The following SPC25 variants were observed in gnomAD, a reference collection of about 807,000 sequenced individuals.
SPC25 encodes SPC25 component of NDC80 kinetochore complex, also known as kinetochore protein Spc25.
SPC25 carries 22 observed loss-of-function variants against 29.6 expected under a neutral mutation model. That is an observed-to-expected ratio of 0.74 (90% CI 0.53 to 1.06). The LOEUF (loss-of-function observed/expected upper bound fraction) is 1.06. SPC25 is among the 50% of genes least tolerant of loss of function. The pLI is 0.00. For synonymous variants in SPC25, 91 were observed against 90.4 expected (o/e 1.01, Z -0.04); for missense variants, 230 against 255.8 (o/e 0.90, Z 0.69).
chr2:168,863,031 CAG>C (rs1489513418), intron 4 of SPC25, among the ~76,000 whole-genome samples: 2 of 2,924 alleles, frequency 6.8e-4, no homozygotes, highest in African/African-American at 0.01. Context: ...GAATAAAAGA[CAG>C]ACATACTTCC....
At chr2:168,868,681 C>T (rs1345889780), downstream of SPC25, among the ~76,000 whole-genome samples, 1 of 152,098 alleles carries the variant, frequency 6.6e-6, no homozygotes, top group Admixed American at 6.5e-5. Flanking sequence ...CTGAATAGGC[C>T]AATAACAGGC....
downstream of SPC25, among the ~76,000 whole-genome samples, chr2:168,870,436 G>GA (rs1426738855): frequency 5.2e-4 from 78 of 150,748 alleles, no homozygotes; most frequent in African/African-American, 1.8e-3. Flanking sequence ...CAGAATGGGA[G>GA]AAAATTTTTG....
chr2:168,866,859 AAC>A (rs1273591493), downstream of SPC25, among the ~76,000 whole-genome samples: 2 of 152,106 alleles, frequency 1.3e-5, no homozygotes, highest in Non-Finnish European at 1.5e-5. Flanking sequence ...GCAGCCAAAA[AAC>A]ACATGAAAAA....
At chr2:168,877,532 C>CA in intron 3 of SPC25, 148 bp from the exon 4 acceptor site, 1 of 933,480 alleles carries the variant, frequency 1.1e-6, no homozygotes, top group Non-Finnish European at 1.5e-6. Flanking sequence ...TTATAAAAGA[C>CA]AAAAAAGAAA....
intron 3 of SPC25, among the ~76,000 whole-genome samples, chr2:168,888,328 G>A (rs962843231): frequency 1.3e-5 from 2 of 152,108 alleles, no homozygotes; most frequent in Non-Finnish European, 2.9e-5. Context: ...GGCTGAGGCA[G>A]GCAGATCACG....
chr2:168,888,566 C>G (rs562040297), intron 3 of SPC25, among the ~76,000 whole-genome samples: 1 of 151,820 alleles, frequency 6.6e-6, no homozygotes, highest in African/African-American at 2.4e-5. Context: ...AAGTGAGACC[C>G]TGTCTCAAAA....
chr2:168,873,826 T>C, intron 5 of SPC25, 143 bp from the exon 6 acceptor site: 1 of 479,416 alleles, frequency 2.1e-6, no homozygotes, highest in Non-Finnish European at 3.8e-6. Flanking sequence ...ACAAATTCGT[T>C]TTAAAATATA....
At chr2:168,873,520 T>A in intron 6 of SPC25, 65 bp downstream of exon 6, 12 of 1,129,696 alleles carry the variant, frequency 1.1e-5, no homozygotes, top group Non-Finnish European at 1.6e-5. Context: ...TTACTTTATA[T>A]GCTGATTGAA....
intron 4 of SPC25, among the ~76,000 whole-genome samples, chr2:168,876,419 T>C (rs985567455): frequency 5.9e-5 from 9 of 152,052 alleles, no homozygotes; most frequent in African/African-American, 1.7e-4. Flanking sequence ...TCTTACTTTA[T>C]TATGTAGTAG....
At chr2:168,872,812 T>C (rs112075308) in intron 6 of SPC25, among the ~76,000 whole-genome samples, 3,923 of 152,194 alleles carry the variant, frequency 0.026, 109 homozygotes, top group African/African-American at 0.071. Flanking sequence ...AATCAGATTC[T>C]CAAAATATAA....
At chr2:168,888,896 G>A (rs1469445962) in intron 3 of SPC25, among the ~76,000 whole-genome samples, 1 of 142,414 alleles carries the variant, frequency 7.0e-6, no homozygotes, top group Admixed American at 7.1e-5. Flanking sequence ...CAAAGTGTTG[G>A]GATTACAGGC....
At chr2:168,873,501 T>C (rs188825581) in intron 6 of SPC25, 84 bp downstream of exon 6, 1 of 916,468 alleles carries the variant, frequency 1.1e-6, no homozygotes, top group African/African-American at 1.6e-5. Flanking sequence ...GCTATTACTT[T>C]CCTCCATATT....
rs1314705113 is a variant in SPC25 at position 168,889,502 on chromosome 2, C to G, written c.18G>C (p.Leu6=). MVEDE[L]ALFDKSINEF... ...CATTTATGCTTTTATCGAAAAGTGC[C>G]AGTTCGTCCTCTACCATTATGTAGG... Residue 6 remains leucine (L), a synonymous_variant, in exon 2 of 7, where the codon CTG becomes CTC. Transcript: ENST00000282074. 22 of 1,613,536 alleles carry G rather than the reference C, an allele frequency of 1.4e-5. No homozygotes were observed. Among genetic ancestry groups the G allele is most frequent in the Non-Finnish European group, 1.9e-5 (22 of 1,179,888 alleles).
intron 4 of SPC25, among the ~76,000 whole-genome samples, chr2:168,876,593 G>GT (rs1404241298): frequency 2.9e-5 from 2 of 68,900 alleles, no homozygotes; most frequent in South Asian, 7.0e-4. Context: ...TGCTAGTTTA[G>GT]TTTTTTCTTT....
At chr2:168,872,282 T>C (rs1368049238) in intron 6 of SPC25, among the ~76,000 whole-genome samples, 2 of 152,090 alleles carry the variant, frequency 1.3e-5, no homozygotes, top group Non-Finnish European at 2.9e-5. Context: ...AAAAGAACAG[T>C]TTTCAATGCC....
chr2:168,864,821 T>C (rs1382721821), intron 4 of SPC25: 2 of 1,613,450 alleles, frequency 1.2e-6, no homozygotes, highest in South Asian at 1.1e-5. Flanking sequence ...TTTGTCTAAC[T>C]GTATTTTCAC....
At chr2:168,869,444 A>T (rs1270567646), downstream of SPC25, among the ~76,000 whole-genome samples, 1 of 152,222 alleles carries the variant, frequency 6.6e-6, no homozygotes, top group Non-Finnish European at 1.5e-5. Context: ...ACATGATTGT[A>T]TATCTAGAAA....
chr2:168,889,033 A>G (rs1207558036), intron 3 of SPC25, among the ~76,000 whole-genome samples, 193 bp downstream of exon 3: 1 of 26,856 alleles, frequency 3.7e-5, no homozygotes, highest in African/African-American at 1.3e-4. Flanking sequence ...ACATATATAT[A>G]CATATATATA....
At chr2:168,870,387 C>T (rs1462869132), downstream of SPC25, among the ~76,000 whole-genome samples, 1 of 151,292 alleles carries the variant, frequency 6.6e-6, no homozygotes, top group African/African-American at 2.5e-5. Flanking sequence ...AGCTTCTGCA[C>T]AGCAAAAGAA....
Sources: allele counts gnomAD v4.1 joint callset (sites outside exome capture counted in the v4.1 genomes callset), GRCh38; gene constraint gnomAD v4.1.1; transcripts MANE v1.5; gene names NCBI Gene and HGNC (gene_info 2026-07-23, HGNC 2026-07-21).